Variants in ITGA11 observed in about 807,000 individuals in gnomAD.
ITGA11 encodes the protein integrin alpha-11.
In ITGA11, 97 loss-of-function variants were observed where a neutral mutation model predicts 141.9. The ratio of observed to expected loss-of-function variants is 0.68; its 90% CI spans 0.58 to 0.81. The LOEUF (loss-of-function observed/expected upper bound fraction) is 0.81, where lower values mean the gene tolerates loss of function less well. Among genes scored for constraint, ITGA11 ranks in the 30% least tolerant of loss-of-function variants. The probability of loss-of-function intolerance (pLI) is 0.00; values close to 1 mark genes in which losing one functional copy is unlikely to be tolerated. For synonymous variants in ITGA11, 658 were observed against 624.6 expected, an observed-to-expected ratio of 1.05 and a Z score of -0.80; for missense variants, 1,387 against 1,559.2, an observed-to-expected ratio of 0.89 and a Z score of 1.86.
At chr15:68,402,262 T>C (rs1345689492) in intron 2 of ITGA11, among the ~76,000 whole-genome samples, 1 of 152,038 alleles carries the variant, frequency 6.6e-6, no homozygotes, top group East Asian at 1.9e-4. Flanking sequence ...TAACCGTAAA[T>C]GTGGCGAGAG....
In ITGA11 at chr15:68,320,212, G is replaced by A. The variant is rs752025500; in HGVS notation, c.2589C>T (p.Asn863=). The A allele has an allele frequency of 6.2e-7, 1 of 1,614,056 alleles. No individual in the cohort carries two copies. The highest frequency in any genetic ancestry group is 8.5e-7 in the Non-Finnish European group (1 of 1,179,906). The change falls in exon 20 of 30, where the codon AAC becomes AAT. Residue 863 remains asparagine (N), a synonymous_variant. Transcript: ENST00000315757. ...TCTGGATCAAGCTGGCAAACTGCAG[G>A]TTTGCTGACTGCGAGATATTTAGGA... ...STVLNISQSA[N]LQFASLIQKE...
chr15:68,339,717 A>G (rs2140314942), intron 10 of ITGA11, 73 bp from the exon 11 acceptor site: 2 of 1,576,144 alleles, frequency 1.3e-6, no homozygotes, highest in East Asian at 4.5e-5. Flanking sequence ...ATCAGGTCCT[A>G]TGACCAGTGA....
chr15:68,309,453 T>TAAAG (rs1491344256), intron 26 of ITGA11, among the ~76,000 whole-genome samples: 1 of 152,146 alleles, frequency 6.6e-6, no homozygotes, highest in Non-Finnish European at 1.5e-5. Flanking sequence ...AATTAAAAGG[T>TAAAG]AAAAATTAAA....
chr15:68,363,047 A>G (rs1344065730), intron 4 of ITGA11, among the ~76,000 whole-genome samples: 1 of 152,154 alleles, frequency 6.6e-6, no homozygotes, highest in African/African-American at 2.4e-5. Flanking sequence ...TGAATGATAG[A>G]TGATGGAGGT....
Position 68,303,688 on chromosome 15 carries a change from G to A in ITGA11, c.3495+84C>T. 1.1e-6 allele frequency: 1 copy of A among 905,140 alleles called. No individual in the cohort carries two copies. The highest frequency in any genetic ancestry group is 1.7e-6 in the Non-Finnish European group (1 of 571,638). 56.1% of individuals were successfully genotyped at this position (905,140 alleles called of 1,614,324 possible). ...CAGCTCCCCTGGAGAGGAGAACGTG[G>A]CAGCGGCCACGAAGTTCCAGGGGCT... On this transcript the variant is annotated intron_variant, in intron 29 of 29. Coordinates refer to ENST00000315757, the MANE Select transcript of ITGA11 (RefSeq NM_001004439.2). This position sits in a 1 kb window ranked among gnomAD's most constrained non-coding sequence, Gnocchi z 5.3.
rs930831177 is a variant in ITGA11 at position 68,297,826 on chromosome 15, T to G, written c.*5233A>C. The G allele has an allele frequency of 4.6e-5, 7 of 152,172 alleles. No homozygotes were observed. Among genetic ancestry groups the G allele is most frequent in the Non-Finnish European group, 1.0e-4 (7 of 68,028 alleles). 9.4% of individuals were successfully genotyped at this position (152,172 alleles called of 1,614,324 possible). A position where few individuals can be genotyped will look rare whatever the true frequency, so the allele number is the denominator to read the frequency against. ...TTCTCTGTGGCCATTCCAGCCTCTATAGAGATCTGAAAAAAACATTTAGTG... is the reference window on the plus strand; with the variant it reads ...TTCTCTGTGGCCATTCCAGCCTCTAGAGAGATCTGAAAAAAACATTTAGTG... On this transcript the variant is annotated 3_prime_UTR_variant, in exon 30 of 30. Transcript: ENST00000315757.
At chr15:68,431,481 T>C (rs768958511) in intron 1 of ITGA11, among the ~76,000 whole-genome samples, 2 of 152,156 alleles carry the variant, frequency 1.3e-5, no homozygotes, top group Non-Finnish European at 2.9e-5. Flanking sequence ...CTTTGCTCTG[T>C]CTTTGGCCGG....
chr15:68,345,122 C>T (rs1455352802), intron 10 of ITGA11, among the ~76,000 whole-genome samples: 2 of 151,994 alleles, frequency 1.3e-5, no homozygotes, highest in Non-Finnish European at 2.9e-5. Context: ...GCTTGATTAC[C>T]CAGCTTGACA....
rs997713416 is a variant in ITGA11 at position 68,304,518 on chromosome 15, G to A, written c.3382-633C>T. On this transcript the variant is annotated intron_variant, in intron 28 of 29. Transcript: ENST00000315757. The surrounding 1 kb of genome is among the most constrained non-coding windows in gnomAD (Gnocchi z 6.1). ...TGTCCCAAAGGCAAAAGTGGCCAGG[G>A]CGTGAAGGTCAGAAAGTAAGCCCAG... 1.3e-5 allele frequency among the ~76,000 whole-genome samples: 2 copies of A among 152,102 alleles called. No homozygotes were observed. The highest frequency in any genetic ancestry group is 4.8e-5 in the African/African-American group (2 of 41,404).
At position 68,301,488 on chromosome 15, in the gene ITGA11, G is replaced by A. The variant is rs1893024001; in HGVS notation, c.*1571C>T. 6.6e-6 allele frequency: 1 copy of A among 152,280 alleles called. No homozygotes were observed. The highest frequency in any genetic ancestry group is 2.4e-5 in the African/African-American group (1 of 41,450). The allele number at this position is 152,280 out of a possible 1,614,324, so 9.4% of individuals were successfully genotyped here. A position where few individuals can be genotyped will look rare whatever the true frequency, so the allele number is the denominator to read the frequency against. On this transcript the variant is annotated 3_prime_UTR_variant, in exon 30 of 30. Coordinates refer to ENST00000315757, the MANE Select transcript of ITGA11 (RefSeq NM_001004439.2). The surrounding 1 kb of genome is among the most constrained non-coding windows in gnomAD (Gnocchi z 4.4). ...GGCCATAGATGGAAGGGTGATCTTG[G>A]GAGAGGGAGCGCTCCACCACTGGAG...
chr15:68,346,137 T>C (rs1894736392), intron 10 of ITGA11, among the ~76,000 whole-genome samples: 1 of 151,996 alleles, frequency 6.6e-6, no homozygotes, highest in South Asian at 2.1e-4. Context: ...CTAGGGTATA[T>C]GGGAGAGGCA....
chr15:68,314,985 A>G (rs1893522301), intron 22 of ITGA11, among the ~76,000 whole-genome samples: 1 of 152,210 alleles, frequency 6.6e-6, no homozygotes, highest in Non-Finnish European at 1.5e-5. Context: ...TGCAAAAAAG[A>G]GAAGTGTATT....
intron 3 of ITGA11, among the ~76,000 whole-genome samples, chr15:68,366,105 T>A (rs1207270731): frequency 6.6e-6 from 1 of 152,202 alleles, no homozygotes; most frequent in Non-Finnish European, 1.5e-5. Flanking sequence ...CCTTTTGAAA[T>A]CTGCCCTTCT....
chr15:68,381,799 G>A (rs1212519871), intron 2 of ITGA11, among the ~76,000 whole-genome samples: 1 of 152,172 alleles, frequency 6.6e-6, no homozygotes, highest in African/African-American at 2.4e-5. Flanking sequence ...CAGGTGATTT[G>A]CCCACCTTGG....
Position 68,410,788 on chromosome 15 carries a change from G to A in ITGA11, c.53-7759C>T, listed in dbSNP as rs537004044. Among the ~76,000 whole-genome samples, 42 of 152,300 alleles carry A rather than the reference G, an allele frequency of 2.8e-4. No homozygotes were observed. The Middle Eastern group carries it at 0.01, about 37-fold the overall frequency. ...AGGCTCCTGTAGTAGGCACTAGTGC[G>A]ATAGAGCAAGGGAGGGGTGAGGGGA... On this transcript the variant is annotated intron_variant, in intron 1 of 29. Coordinates refer to ENST00000315757, the MANE Select transcript of ITGA11 (RefSeq NM_001004439.2).
At chr15:68,428,144 T>C (rs1009816916) in intron 1 of ITGA11, among the ~76,000 whole-genome samples, 2 of 152,078 alleles carry the variant, frequency 1.3e-5, no homozygotes, top group African/African-American at 4.8e-5. Context: ...AAGTCAGGCA[T>C]TGTGGAGAAG....
In ITGA11 at chr15:68,328,299, G is replaced by T. The variant is rs779967657; in HGVS notation, c.1902-37C>A. On this transcript the variant is annotated intron_variant, in intron 15 of 29. Transcript: ENST00000315757. This position sits in a 1 kb window ranked among gnomAD's most constrained non-coding sequence, Gnocchi z 4.8. ...GGGCCAGTGAGCTGGGGTGGGGCAGGGGCTCAGGCTGCCCTGCTGTGACCA... is the reference window on the plus strand; with the variant it reads ...GGGCCAGTGAGCTGGGGTGGGGCAGTGGCTCAGGCTGCCCTGCTGTGACCA... 1 of 1,591,012 alleles carries T rather than the reference G, an allele frequency of 6.3e-7. No homozygotes were observed. The highest frequency in any genetic ancestry group is 8.6e-7 in the Non-Finnish European group (1 of 1,163,550).
intron 3 of ITGA11, among the ~76,000 whole-genome samples, 196 bp from the exon 4 acceptor site, chr15:68,364,994 C>A (rs566889368): frequency 1.4e-5 from 1 of 72,988 alleles, no homozygotes; most frequent in East Asian, 4.8e-4. Context: ...GATGAGAAAA[C>A]CGAGTCTCAG....
chr15:68,348,010 A>G (rs1433800062), intron 10 of ITGA11, among the ~76,000 whole-genome samples: 2 of 152,218 alleles, frequency 1.3e-5, no homozygotes, highest in Non-Finnish European at 2.9e-5. Context: ...ACGTATCGAT[A>G]CTGACAGATG....
Sources: gnomAD v4.1 joint callset for allele counts (sites outside exome capture counted in the v4.1 genomes callset) on GRCh38, gnomAD v4.1.1 for gene constraint, Gnocchi (gnomAD v3.1) non-coding constraint, MANE v1.5 for transcripts, NCBI Gene and HGNC (gene_info 2026-07-23, HGNC 2026-07-21) for gene names.